Variants in HOXA3 observed in about 807,000 individuals in gnomAD.
HOXA3 encodes the protein homeobox protein Hox-A3.
HOXA3 carries 8 observed loss-of-function variants against 30.3 expected under a neutral mutation model. The observed-to-expected ratio is 0.26, with a 90% CI of 0.15 to 0.48. The LOEUF (loss-of-function observed/expected upper bound fraction) is 0.48. HOXA3 is among the 20% of genes least tolerant of loss of function. The pLI is 0.99. For missense variants in HOXA3, 653 were observed against 614.4 expected, an observed-to-expected ratio of 1.06 and a Z score of -0.66; for synonymous variants, 323 against 273.1, an observed-to-expected ratio of 1.18 and a Z score of -1.80.
rs917522753 is a variant in HOXA3, at chr7:27,140,196, A to G, written c.-493-10T>C. 1 of 152,158 alleles carries G rather than the reference A, an allele frequency of 6.6e-6. No individual in the cohort carries two copies. The highest frequency in any genetic ancestry group is 1.5e-5 in the Non-Finnish European group (1 of 68,030). The allele number at this position is 152,158 out of a possible 1,614,324, so 9.4% of individuals were successfully genotyped here. On this transcript the variant is annotated splice_polypyrimidine_tract_variant and intron_variant, in intron 1 of 5. Transcript: ENST00000612286. ...AGGCGGCACACGTAGCCTGCAAAAG[A>G]GTCAAATGGAGTCCAGCGTTAGTGA...
intron 1 of HOXA3, chr7:27,142,717 A>C (rs1209552160): frequency 6.0e-6 from 2 of 330,822 alleles, no homozygotes; most frequent in Non-Finnish European, 5.4e-6. Context: ...TGCTACAGCC[A>C]TCCTCTACCT....
intron 1 of HOXA3, chr7:27,141,722 C>G: frequency 7.3e-7 from 1 of 1,363,584 alleles, no homozygotes; most frequent in African/African-American, 1.5e-5. Flanking sequence ...ATTAGGGCAA[C>G]GAGAACAGGG....
Position 27,143,404 on chromosome 7 carries a change from C to G in HOXA3, c.-493-3218G>C. ...CGCTGGCAGCGTAGCTGCGGGCGCGCTCTCCGGAGCCAAAGTGGCCGGAGC... is the reference window on the plus strand; with the variant it reads ...CGCTGGCAGCGTAGCTGCGGGCGCGGTCTCCGGAGCCAAAGTGGCCGGAGC... On this transcript the variant is annotated intron_variant, in intron 1 of 5. Coordinates refer to ENST00000612286, the MANE Select transcript of HOXA3 (RefSeq NM_153631.3). The G allele has an allele frequency of 6.2e-7, 1 of 1,609,220 alleles. No homozygotes were observed. Among genetic ancestry groups the G allele is most frequent in the Non-Finnish European group, 8.5e-7 (1 of 1,178,806 alleles).
Position 27,129,418 on chromosome 7 carries a change from C to T in HOXA3, c.-389-2348G>A, listed in dbSNP as rs200302499. ...GTTCTGAAACCAGATCTTGACCTGGCGCTCAGACAAACAGAGCGTGTGGGC... is the reference window on the plus strand; with the variant it reads ...GTTCTGAAACCAGATCTTGACCTGGTGCTCAGACAAACAGAGCGTGTGGGC... On this transcript the variant is annotated intron_variant, in intron 2 of 5. Coordinates refer to ENST00000612286, the MANE Select transcript of HOXA3 (RefSeq NM_153631.3). 1.0e-4 allele frequency: 161 copies of T among 1,614,004 alleles called. No individual in the cohort carries two copies. The highest frequency in any genetic ancestry group is 1.2e-4 in the Non-Finnish European group (138 of 1,180,054).
At chr7:27,145,563 T>C in intron 1 of HOXA3, 5 of 1,489,138 alleles carry the variant, frequency 3.4e-6, no homozygotes, top group Non-Finnish European at 4.5e-6. Flanking sequence ...AGCCCCCAGA[T>C]GGGAGCAGGC....
At chr7:27,118,696 C>A (rs568663766) in intron 4 of HOXA3, among the ~76,000 whole-genome samples, 1 of 152,192 alleles carries the variant, frequency 6.6e-6, no homozygotes, top group Non-Finnish European at 1.5e-5. Flanking sequence ...TTCCTTACAG[C>A]CTCCCACCCA....
At chr7:27,142,165 C>A in intron 1 of HOXA3, 4 of 1,482,568 alleles carry the variant, frequency 2.7e-6, no homozygotes, top group South Asian at 2.6e-5. Context: ...GGGTCATGAG[C>A]AGGGAACCCA....
At chr7:27,130,041 C>G (rs947441854) in intron 2 of HOXA3, 2 of 1,482,372 alleles carry the variant, frequency 1.3e-6, no homozygotes, top group Admixed American at 4.0e-5. Context: ...CCCTGAGCCT[C>G]TCCCTCCTGA....
chr7:27,108,134 A>G lies in HOXA3; in HGVS notation c.1113T>C (p.Tyr371=), dbSNP rs1325462359. Residue 371 remains tyrosine (Y), a synonymous_variant, in exon 6 of 6, where the codon TAT becomes TAC. Coordinates refer to ENST00000612286, the MANE Select transcript of HOXA3 (RefSeq NM_153631.3). The surrounding 1 kb of genome is among the most constrained non-coding windows in gnomAD (Gnocchi z 5.0). Reference sequence around the variant, plus strand: ...GCCCGGAGTTGCTCATGGGCTCCACATAGCTGCCCCCCACGAAGACGGGGC... The same window carrying G: ...GCCCGGAGTTGCTCATGGGCTCCACGTAGCTGCCCCCCACGAAGACGGGGC... ...QGSPVFVGGS[Y]VEPMSNSGPA... The G allele has an allele frequency of 6.3e-7, 1 of 1,593,438 alleles. No homozygotes were observed. Among genetic ancestry groups the G allele is most frequent in the Non-Finnish European group, 8.6e-7 (1 of 1,167,460 alleles).
intron 1 of HOXA3, chr7:27,147,556 A>G: frequency 2.5e-6 from 4 of 1,614,256 alleles, no homozygotes; most frequent in East Asian, 2.2e-5. Flanking sequence ...GTTGCAGGCC[A>G]GGACCGAGTT....
intron 2 of HOXA3, among the ~76,000 whole-genome samples, chr7:27,131,250 A>G (rs528124852): frequency 6.6e-6 from 1 of 152,306 alleles, no homozygotes; most frequent in African/African-American, 2.4e-5. Context: ...CAGGGGTTCT[A>G]GGCTAACAGG....
chr7:27,143,448 G>A (rs745686401), intron 1 of HOXA3: 2 of 1,613,616 alleles, frequency 1.2e-6, no homozygotes, highest in Non-Finnish European at 1.7e-6. Context: ...CCGACGCTGA[G>A]ATCCATGCCA....
Position 27,108,429 on chromosome 7 carries a change from G to C in HOXA3, c.818C>G (p.Ala273Gly), listed in dbSNP as rs1784153972. 1 of 1,613,532 alleles carries C rather than the reference G, an allele frequency of 6.2e-7. No homozygotes were observed. Among genetic ancestry groups the C allele is most frequent in the Admixed American group, 1.7e-5 (1 of 59,996 alleles). The change falls in exon 6 of 6, where the codon GCC becomes GGC. Residue 273 changes from alanine to glycine, a missense_variant. Around this residue, in one of 3 missense-constraint regions of HOXA3, gnomAD observed 330 missense variants for 274.4 expected, o/e 1.20. Coordinates refer to ENST00000612286, the MANE Select transcript of HOXA3 (RefSeq NM_153631.3). This position sits in a 1 kb window ranked among gnomAD's most constrained non-coding sequence, Gnocchi z 5.0. The stretch of plus-strand genomic sequence containing the variant: ...ATGCATAGAGTTCAGATAGCCACCG[G>C]CTCCGGGGGGCACGGGGCTGCGACT... ...SPSRSPVPPG[A>G]GGYLNSMHSL...
chr7:27,152,203 C>T, intron 1 of HOXA3, 85 bp downstream of exon 1: 1 of 786,716 alleles, frequency 1.3e-6, no homozygotes, highest in South Asian at 1.7e-5. Context: ...CCTCTTAAAG[C>T]CTCCCTGGGT....
At chr7:27,148,944 G>A (rs1444004076) in intron 1 of HOXA3, among the ~76,000 whole-genome samples, 3 of 152,256 alleles carry the variant, frequency 2.0e-5, no homozygotes, top group African/African-American at 7.2e-5. Context: ...CCCGACAACC[G>A]GCACTGTCCT....
rs1364715064 is a variant in HOXA3 at position 27,110,697 on chromosome 7, G to T, written c.-57C>A. On this transcript the variant is annotated 5_prime_UTR_variant, in exon 5 of 6. Transcript: ENST00000612286. ...TGACAGGGGTTTGACACCCGTGAGGGCGCACATTGGCACGCCCCCGCGGTC... is the reference window on the plus strand; with the variant it reads ...TGACAGGGGTTTGACACCCGTGAGGTCGCACATTGGCACGCCCCCGCGGTC... 3.8e-6 allele frequency: 6 copies of T among 1,583,650 alleles called. No individual in the cohort carries two copies. The East Asian group carries it at 1.1e-4, about 30-fold the overall frequency.
At position 27,152,327 on chromosome 7, in the gene HOXA3, A is replaced by T; in HGVS notation, c.-533T>A. ...TCCCAGAAGCTCCTGCCCCTCTGAC[A>T]GCTGTCGCTTGGGCAGCCCGAGAGA... On this transcript the variant is annotated 5_prime_UTR_variant, in exon 1 of 6. Coordinates refer to ENST00000612286, the MANE Select transcript of HOXA3 (RefSeq NM_153631.3). 7.9e-7 allele frequency: 1 copy of T among 1,264,984 alleles called. No individual in the cohort carries two copies. Among genetic ancestry groups the T allele is most frequent in the Non-Finnish European group, 1.0e-6 (1 of 977,076 alleles). The allele number at this position is 1,264,984 out of a possible 1,614,324, so 78.4% of individuals were successfully genotyped here.
At position 27,129,277 on chromosome 7, in the gene HOXA3, A is replaced by C. The variant is rs139808484; in HGVS notation, c.-389-2207T>G. The C allele has an allele frequency of 5.9e-5, 95 of 1,612,412 alleles. No homozygotes were observed. Among genetic ancestry groups the C allele is most frequent in the Non-Finnish European group, 7.5e-5 (89 of 1,179,260 alleles). Reference sequence around the variant, plus strand: ...GGTGCTCGGGTGGGGGTGGGGATGGAGGTGTGGGCTCTGAGTTTGTGCTTT... The same window carrying C: ...GGTGCTCGGGTGGGGGTGGGGATGGCGGTGTGGGCTCTGAGTTTGTGCTTT... On this transcript the variant is annotated intron_variant, in intron 2 of 5. Transcript: ENST00000612286.
At position 27,113,118 on chromosome 7, in the gene HOXA3, C is replaced by T. The variant is rs966714525; in HGVS notation, c.-120-2358G>A. Among the ~76,000 whole-genome samples the T allele has an allele frequency of 6.6e-6, 1 of 152,006 alleles. No homozygotes were observed. The highest frequency in any genetic ancestry group is 1.5e-5 in the Non-Finnish European group (1 of 68,008). Reference sequence around the variant, plus strand: ...GCCAGCCAGGAAACTTTGCTCTGTACCGCCAAGCAAGGGCTGGGGATGAGG... The same window carrying T: ...GCCAGCCAGGAAACTTTGCTCTGTATCGCCAAGCAAGGGCTGGGGATGAGG... On this transcript the variant is annotated intron_variant, in intron 4 of 5. Transcript: ENST00000612286. This position sits in a 1 kb window ranked among gnomAD's most constrained non-coding sequence, Gnocchi z 4.8.
Sources: allele counts gnomAD v4.1 joint callset (sites outside exome capture counted in the v4.1 genomes callset), GRCh38; gene constraint gnomAD v4.1.1; regional missense constraint gnomAD v4.1.1; non-coding constraint Gnocchi (gnomAD v3.1); transcripts MANE v1.5; gene names NCBI Gene and HGNC (gene_info 2026-07-23, HGNC 2026-07-21).